MED17: variants seen among roughly 807,000 people sequenced by gnomAD.
MED17 encodes the protein mediator complex subunit 17.
A neutral mutation model predicts 80.8 loss-of-function variants in MED17; 49 were observed. The observed-to-expected ratio is 0.61, with a 90% CI of 0.48 to 0.77. MED17 has a LOEUF of 0.77. Among genes scored for constraint, MED17 ranks in the 30% least tolerant of loss-of-function variants. MED17 has a pLI of 0.00. For missense variants in MED17, 718 were observed against 787.0 expected (o/e 0.91, Z 1.05); for synonymous variants, 281 against 280.4 (o/e 1.00, Z -0.02).
chr11:93,785,028 C>T (rs574458985), intron 1 of MED17: 2 of 583,140 alleles, frequency 3.4e-6, no homozygotes, highest in South Asian at 2.0e-5. Flanking sequence ...ATGAATGCTT[C>T]TCTGTAGAGG....
At chr11:93,803,742 G>T (rs927708267) in intron 9 of MED17, among the ~76,000 whole-genome samples, 2 of 151,970 alleles carry the variant, frequency 1.3e-5, no homozygotes, top group Non-Finnish European at 2.9e-5. Flanking sequence ...TATCATCATT[G>T]AATTGTTTAG....
intron 2 of MED17, chr11:93,788,521 A>G: frequency 5.1e-6 from 1 of 197,256 alleles, no homozygotes. Context: ...CTCTATTAAA[A>G]ATAACAAAAA....
At position 93,793,832 on chromosome 11, in the gene MED17, C is replaced by G; in HGVS notation, c.742C>G (p.Pro248Ala). 1 of 1,613,024 alleles carries G rather than the reference C, an allele frequency of 6.2e-7. No homozygotes were observed. Among genetic ancestry groups the G allele is most frequent in the Non-Finnish European group, 8.5e-7 (1 of 1,179,174 alleles). The change falls in exon 4 of 12, where the codon CCT (proline) becomes GCT (alanine). Residue 248 changes from proline to alanine, a missense_variant. Coordinates refer to ENST00000251871, the MANE Select transcript of MED17 (RefSeq NM_004268.5). ...EDYCPLDVQI[P>A]SDLEGSAYIK... ...TTACTGTCCTCTTGATGTCCAAATTCCTAGTGATTTAGAGGGGTCTGCATA... is the reference window on the plus strand; with the variant it reads ...TTACTGTCCTCTTGATGTCCAAATTGCTAGTGATTTAGAGGGGTCTGCATA...
intron 3 of MED17, among the ~76,000 whole-genome samples, chr11:93,791,922 C>T (rs1308329620): frequency 6.6e-6 from 1 of 152,166 alleles, no homozygotes; most frequent in East Asian, 1.9e-4. Flanking sequence ...ACTAGGGCTA[C>T]AGCACTAACT....
chr11:93,791,654 C>T (rs1301762429), intron 3 of MED17, among the ~76,000 whole-genome samples: 5 of 151,764 alleles, frequency 3.3e-5, no homozygotes, highest in Non-Finnish European at 5.9e-5. Context: ...TGCAGTGAGC[C>T]GAGATTGCAC....
At chr11:93,807,790 T>G in intron 10 of MED17, 155 bp downstream of exon 10, 1 of 681,868 alleles carries the variant, frequency 1.5e-6, no homozygotes, top group East Asian at 2.7e-5. Flanking sequence ...CTAATGCACA[T>G]TTTACAACCT....
intron 2 of MED17, 34 bp downstream of exon 2, chr11:93,788,201 T>G: frequency 6.4e-7 from 1 of 1,568,502 alleles, no homozygotes; most frequent in South Asian, 1.1e-5. Flanking sequence ...AATAAAATTT[T>G]ATTTATTAAA....
At chr11:93,795,181 C>G in intron 6 of MED17, 121 bp downstream of exon 6, 1 of 1,085,292 alleles carries the variant, frequency 9.2e-7, no homozygotes, top group Non-Finnish European at 1.4e-6. Context: ...AGTGTGCTAT[C>G]CATAGTGACA....
At position 93,801,831 on chromosome 11, in the gene MED17, A is replaced by G. The variant is rs1943965647; in HGVS notation, c.1329-4A>G. Reference sequence around the variant, plus strand: ...AAAGTTTTTTAACTTCTTGTATTTAAAAGAGCTGCTGCAACCATTGACAGC... The same window carrying G: ...AAAGTTTTTTAACTTCTTGTATTTAGAAGAGCTGCTGCAACCATTGACAGC... On this transcript the variant is annotated splice_polypyrimidine_tract_variant and splice_region_variant and intron_variant, in intron 8 of 11. Transcript: ENST00000251871. 1.2e-6 allele frequency: 2 copies of G among 1,613,094 alleles called. No homozygotes were observed. Among genetic ancestry groups the G allele is most frequent in the Non-Finnish European group, 1.7e-6 (2 of 1,179,502 alleles).
intron 7 of MED17, 73 bp downstream of exon 7, chr11:93,796,613 T>C: frequency 1.3e-6 from 2 of 1,533,936 alleles, no homozygotes; most frequent in Non-Finnish European, 1.8e-6. Context: ...AAAGCTCCTC[T>C]CGTCTGCTGA....
chr11:93,796,631 T>C (rs1303456315), intron 7 of MED17, 91 bp downstream of exon 7: 20 of 1,398,716 alleles, frequency 1.4e-5, no homozygotes, highest in Non-Finnish European at 1.9e-5. Flanking sequence ...TGAGTCTTGA[T>C]TATTCACATA....
intron 3 of MED17, chr11:93,793,034 G>C (rs1290420540): frequency 6.7e-6 from 1 of 150,312 alleles, no homozygotes; most frequent in East Asian, 2.0e-4. Flanking sequence ...TGGATGCAGA[G>C]CACTTAGTTG....
At chr11:93,803,319 G>A (rs1437688325) in intron 9 of MED17, among the ~76,000 whole-genome samples, 2 of 152,112 alleles carry the variant, frequency 1.3e-5, no homozygotes, top group African/African-American at 4.8e-5. Context: ...TTTTAATGCA[G>A]AGGTTTTAAT....
intron 10 of MED17, 132 bp downstream of exon 10, chr11:93,807,767 TTC>T (rs949564204): frequency 1.4e-6 from 1 of 734,658 alleles, no homozygotes; most frequent in East Asian, 2.6e-5. Flanking sequence ...AGAAATTAAA[TTC>T]TGTTTAATTT....
At position 93,796,393 on chromosome 11, in the gene MED17, C is replaced by T; in HGVS notation, c.1013-17C>T. 6.2e-7 allele frequency: 1 copy of T among 1,603,842 alleles called. No individual in the cohort carries two copies. The highest frequency in any genetic ancestry group is 8.5e-7 in the Non-Finnish European group (1 of 1,172,062). On this transcript the variant is annotated splice_polypyrimidine_tract_variant and intron_variant, in intron 6 of 11. Transcript: ENST00000251871. ...TTTCAGGTTATTTACATATGTCCTCCTTCTTTTTATAAATAGGCTTGCAGT... is the reference window on the plus strand; with the variant it reads ...TTTCAGGTTATTTACATATGTCCTCTTTCTTTTTATAAATAGGCTTGCAGT...
intron 3 of MED17, among the ~76,000 whole-genome samples, chr11:93,792,006 G>T (rs1055150683): frequency 9.2e-5 from 14 of 152,162 alleles, no homozygotes; most frequent in African/African-American, 3.4e-4. Flanking sequence ...TAAATTCTTA[G>T]TCGTTGAGCT....
chr11:93,814,378 G>T lies in MED17; in HGVS notation c.*2314G>T, dbSNP rs1048778043. 1.3e-5 allele frequency: 2 copies of T among 152,104 alleles called. No homozygotes were observed. Among genetic ancestry groups the T allele is most frequent in the Admixed American group, 6.5e-5 (1 of 15,274 alleles). 9.4% of individuals were successfully genotyped at this position (152,104 alleles called of 1,614,324 possible). ...TTAATGTTTTAACCTGAATTTCCTGGAGTTTGAAGGATGTGCTATGGAAAC... is the reference window on the plus strand; with the variant it reads ...TTAATGTTTTAACCTGAATTTCCTGTAGTTTGAAGGATGTGCTATGGAAAC... On this transcript the variant is annotated 3_prime_UTR_variant, in exon 12 of 12. Coordinates refer to ENST00000251871, the MANE Select transcript of MED17 (RefSeq NM_004268.5).
chr11:93,801,458 C>A, intron 8 of MED17: 1 of 225,272 alleles, frequency 4.4e-6, no homozygotes, highest in South Asian at 6.8e-5. Context: ...TACCAGGGAT[C>A]AAGTACTGAC....
At chr11:93,806,705 A>G in intron 9 of MED17, 1 of 152,238 alleles carries the variant, frequency 6.6e-6, no homozygotes, top group Non-Finnish European at 1.5e-5. Flanking sequence ...TGTCATCAGT[A>G]TTACTAGGCA....
Sources: gnomAD v4.1 joint callset for allele counts (sites outside exome capture counted in the v4.1 genomes callset) on GRCh38, gnomAD v4.1.1 for gene constraint, MANE v1.5 for transcripts, NCBI Gene and HGNC (gene_info 2026-07-23, HGNC 2026-07-21) for gene names.